Variants in RANBP2 observed in about 807,000 individuals in gnomAD.
The protein encoded by RANBP2 is RAN binding protein 2.
In RANBP2, 57 loss-of-function variants were observed where a neutral mutation model predicts 303.6. The ratio of observed to expected loss-of-function variants is 0.19; its 90% CI spans 0.15 to 0.23. The LOEUF is 0.23. Among genes scored for constraint, RANBP2 ranks in the 10% least tolerant of loss-of-function variants. The pLI is 1.00. For synonymous variants in RANBP2, 1,167 were observed against 1,301.5 expected, an observed-to-expected ratio of 0.90 and a Z score of 2.23; for missense variants, 3,138 against 3,780.8, an observed-to-expected ratio of 0.83 and a Z score of 4.46.
chr2:108,918,464 C>T, the RANBP2 span, among the ~76,000 whole-genome samples: 2 of 152,228 alleles, frequency 1.3e-5, no homozygotes, highest in Admixed American at 6.5e-5. Context: ...TCCCCTTGTA[C>T]ACTTCCGTGT....
the RANBP2 span, among the ~76,000 whole-genome samples, chr2:109,029,999 A>G: frequency 5.5e-4 from 84 of 152,310 alleles, no homozygotes; most frequent in Admixed American, 1.5e-3. Flanking sequence ...TTCATTCAGT[A>G]AGCATTTACT....
the RANBP2 span, chr2:109,543,530 TA>T: frequency 6.6e-6 from 1 of 152,178 alleles, no homozygotes; most frequent in East Asian, 1.9e-4. Flanking sequence ...ATAAAACTAT[TA>T]AGAGGTTAGA....
the RANBP2 span, among the ~76,000 whole-genome samples, chr2:109,211,862 CA>C: frequency 1.3e-5 from 2 of 152,148 alleles, no homozygotes; most frequent in Non-Finnish European, 2.9e-5. Flanking sequence ...AGGCTGGTTT[CA>C]AACTCTGGAC....
At chr2:109,590,557 G>A in the RANBP2 span, among the ~76,000 whole-genome samples, 2 of 151,798 alleles carry the variant, frequency 1.3e-5, no homozygotes, top group African/African-American at 2.4e-5. Context: ...TCAGCCTCTC[G>A]AGCAGCTAGG....
chr2:109,211,894 C>T, the RANBP2 span, among the ~76,000 whole-genome samples: 3 of 152,310 alleles, frequency 2.0e-5, no homozygotes, highest in South Asian at 2.1e-4. Flanking sequence ...CCGCCCTCCT[C>T]GGCCTCCCAA....
At chr2:108,974,704 T>C in the RANBP2 span, among the ~76,000 whole-genome samples, 2 of 152,006 alleles carry the variant, frequency 1.3e-5, no homozygotes, top group African/African-American at 4.8e-5. Flanking sequence ...CACTCCACCC[T>C]GGGTGACAGA....
chr2:109,378,387 A>G, the RANBP2 span, among the ~76,000 whole-genome samples: 1 of 152,180 alleles, frequency 6.6e-6, no homozygotes, highest in Admixed American at 6.5e-5. Context: ...CTCAACTCCC[A>G]GTTGACTTTA....
At chr2:109,432,368 C>G in the RANBP2 span, 2 of 1,149,748 alleles carry the variant, frequency 1.7e-6, no homozygotes, top group South Asian at 3.0e-5. Flanking sequence ...CTGTAAACTG[C>G]AGAGCCCCCA....
chr2:108,925,703 C>T, the RANBP2 span, among the ~76,000 whole-genome samples: 3 of 152,112 alleles, frequency 2.0e-5, no homozygotes, highest in Admixed American at 1.3e-4. Flanking sequence ...CCGCAACTTC[C>T]GCCTCCCAGG....
the RANBP2 span, among the ~76,000 whole-genome samples, chr2:108,817,196 C>T: frequency 6.6e-6 from 1 of 152,110 alleles, no homozygotes; most frequent in African/African-American, 2.4e-5. Context: ...CTTTTTAAAC[C>T]AGAAGGATTC....
At chr2:109,471,716 T>A in the RANBP2 span, among the ~76,000 whole-genome samples, 13 of 152,188 alleles carry the variant, frequency 8.5e-5, no homozygotes, top group Non-Finnish European at 1.8e-4. Flanking sequence ...CTCACCCCCT[T>A]GCTGTCTCAG....
the RANBP2 span, among the ~76,000 whole-genome samples, chr2:109,708,651 A>AAAAT: frequency 6.6e-6 from 1 of 152,056 alleles, no homozygotes; most frequent in Non-Finnish European, 1.5e-5. Flanking sequence ...ACCCTGTCTC[A>AAAAT]AAATAAATAA....
the RANBP2 span, among the ~76,000 whole-genome samples, chr2:109,758,426 A>G: frequency 7.4e-6 from 1 of 134,324 alleles, no homozygotes; most frequent in Non-Finnish European, 1.6e-5. Flanking sequence ...AAAAAAAAAA[A>G]TCCTCACAAT....
chr2:109,561,657 C>T, the RANBP2 span, among the ~76,000 whole-genome samples: 1 of 152,234 alleles, frequency 6.6e-6, no homozygotes, highest in Non-Finnish European at 1.5e-5. Context: ...TTAAATGTAA[C>T]ATTTCTAAAA....
chr2:109,322,019 C>T, the RANBP2 span, among the ~76,000 whole-genome samples: 10 of 152,188 alleles, frequency 6.6e-5, no homozygotes, highest in East Asian at 1.5e-3. Context: ...AAGTGGATGG[C>T]TCTTTTTAAA....
At chr2:109,694,920 C>CA in the RANBP2 span, among the ~76,000 whole-genome samples, 11,676 of 151,496 alleles carry the variant, frequency 0.077, 942 homozygotes, top group African/African-American at 0.21. Flanking sequence ...TCTATGACTC[C>CA]CCAGTAGAAA....
At chr2:108,962,197 G>A in the RANBP2 span, among the ~76,000 whole-genome samples, 27 of 152,314 alleles carry the variant, frequency 1.8e-4, 1 homozygote, top group Middle Eastern at 3.4e-3. Context: ...ATGGCGCATT[G>A]CAGATTGCGC....
At chr2:108,732,550 A>G (rs1411794322) in intron 4 of RANBP2, among the ~76,000 whole-genome samples, 2 of 152,208 alleles carry the variant, frequency 1.3e-5, no homozygotes. Flanking sequence ...ACCAAAGCAC[A>G]CTATCAAAAT....
At chr2:109,360,397 G>A in the RANBP2 span, among the ~76,000 whole-genome samples, 3 of 152,210 alleles carry the variant, frequency 2.0e-5, no homozygotes, top group East Asian at 3.9e-4. Context: ...CTTTTTGTAG[G>A]CTCGATGTAC....
Sources: gnomAD v4.1 joint callset for allele counts (sites outside exome capture counted in the v4.1 genomes callset) on GRCh38, gnomAD v4.1.1 for gene constraint, MANE v1.5 for transcripts, NCBI Gene and HGNC (gene_info 2026-07-23, HGNC 2026-07-21) for gene names.